The following LRRTM4 variants were observed in gnomAD, a reference collection of about 807,000 sequenced individuals.
LRRTM4 encodes the protein leucine rich repeat transmembrane neuronal 4, also known as leucine-rich repeat transmembrane neuronal protein 4.
In LRRTM4, 25 loss-of-function variants were observed where a neutral mutation model predicts 47.6. That is an observed-to-expected ratio of 0.53 (90% CI 0.38 to 0.73). The LOEUF (loss-of-function observed/expected upper bound fraction) is 0.73, where lower values mean the gene tolerates loss of function less well. Ranked by LOEUF, LRRTM4 falls within the 30% of genes least tolerant of loss-of-function variation. LRRTM4 has a pLI of 0.00. For missense variants in LRRTM4, 638 were observed against 713.4 expected, an observed-to-expected ratio of 0.89 and a Z score of 1.20; for synonymous variants, 311 against 269.5, an observed-to-expected ratio of 1.15 and a Z score of -1.51.
intron 3 of LRRTM4, among the ~76,000 whole-genome samples, chr2:77,224,375 T>C (rs1674739722): frequency 6.6e-6 from 1 of 152,062 alleles, no homozygotes; most frequent in African/African-American, 2.4e-5. Flanking sequence ...GTAATTAAAC[T>C]AAAGAGCTTC....
intron 3 of LRRTM4, among the ~76,000 whole-genome samples, chr2:77,101,193 C>T (rs1670944100): frequency 1.3e-5 from 2 of 152,002 alleles, no homozygotes; most frequent in Admixed American, 1.3e-4. Context: ...TGCACAATAT[C>T]ATATGCATAG....
At chr2:77,147,007 A>C (rs1672277480) in intron 3 of LRRTM4, among the ~76,000 whole-genome samples, 1 of 152,208 alleles carries the variant, frequency 6.6e-6, no homozygotes, top group South Asian at 2.1e-4. Context: ...GATTTTATAA[A>C]AATAATAAAA....
At chr2:76,880,135 AG>A (rs1371125910) in intron 3 of LRRTM4, among the ~76,000 whole-genome samples, 3 of 152,226 alleles carry the variant, frequency 2.0e-5, no homozygotes, top group Non-Finnish European at 4.4e-5. Context: ...TTGATAAAGT[AG>A]GGATAGGGTT....
chr2:77,213,112 A>G (rs1411484953), intron 3 of LRRTM4, among the ~76,000 whole-genome samples: 1 of 152,206 alleles, frequency 6.6e-6, no homozygotes. Flanking sequence ...AGCAGTTAAC[A>G]ACCGTAAATG....
chr2:77,464,502 G>A (rs758717423), intron 3 of LRRTM4, among the ~76,000 whole-genome samples: 2 of 151,696 alleles, frequency 1.3e-5, no homozygotes, highest in African/African-American at 2.4e-5. Flanking sequence ...TTATTAATGA[G>A]CTATTTCCTT....
intron 3 of LRRTM4, among the ~76,000 whole-genome samples, chr2:77,094,850 A>T (rs914604280): frequency 6.6e-6 from 1 of 152,168 alleles, no homozygotes; most frequent in Non-Finnish European, 1.5e-5. Flanking sequence ...ACAGGGGAAA[A>T]GCTCCATGAC....
chr2:77,231,197 A>T (rs916003787), intron 3 of LRRTM4, among the ~76,000 whole-genome samples: 3 of 152,020 alleles, frequency 2.0e-5, no homozygotes, highest in African/African-American at 7.2e-5. Flanking sequence ...CAGGCCCATG[A>T]AGTACACATG....
intron 3 of LRRTM4, among the ~76,000 whole-genome samples, chr2:76,977,137 C>G (rs1370557661): frequency 6.6e-6 from 1 of 151,450 alleles, no homozygotes; most frequent in Non-Finnish European, 1.5e-5. Flanking sequence ...TTTCTTACTT[C>G]TGCTTGAATA....
chr2:76,834,254 T>C (rs994054904), intron 3 of LRRTM4, among the ~76,000 whole-genome samples: 1 of 151,524 alleles, frequency 6.6e-6, no homozygotes, highest in African/African-American at 2.4e-5. Context: ...TTTCACTATA[T>C]TGGCCAGTCT....
At chr2:77,390,004 AC>A (rs1673435078) in intron 3 of LRRTM4, among the ~76,000 whole-genome samples, 1 of 152,118 alleles carries the variant, frequency 6.6e-6, no homozygotes, top group Non-Finnish European at 1.5e-5. Context: ...TTAAAGGAAT[AC>A]TTGACCTTTC....
chr2:77,049,157 T>TACAC (rs1336101809), intron 3 of LRRTM4, among the ~76,000 whole-genome samples: 50 of 106,342 alleles, frequency 4.7e-4, no homozygotes, highest in African/African-American at 1.9e-3. Context: ...TATATATATA[T>TACAC]ACACACACAC....
At chr2:76,792,762 T>C (rs761265603) in intron 3 of LRRTM4, among the ~76,000 whole-genome samples, 6 of 152,138 alleles carry the variant, frequency 3.9e-5, no homozygotes, top group Non-Finnish European at 8.8e-5. Flanking sequence ...GCTAAGGACT[T>C]TCAACTCCTT....
Position 76,851,095 on chromosome 2 carries a change from A to G in LRRTM4, c.1552-102179T>C, listed in dbSNP as rs150842647. 5.3e-5 allele frequency among the ~76,000 whole-genome samples: 8 copies of G among 152,312 alleles called. No individual in the cohort carries two copies. The East Asian group carries it at 7.7e-4, about 15-fold the overall frequency. On this transcript the variant is annotated intron_variant, in intron 3 of 3. Coordinates refer to ENST00000409884, the MANE Select transcript of LRRTM4 (RefSeq NM_001134745.3). ...TGCTAACAGTGCACATTCAGGGAAC[A>G]CTGTGAGCAATTCTATTTATCTAAG...
At chr2:76,878,759 AG>A (rs371944548) in intron 3 of LRRTM4, among the ~76,000 whole-genome samples, 289 of 152,190 alleles carry the variant, frequency 1.9e-3, no homozygotes, top group Middle Eastern at 0.014. Flanking sequence ...TTGGAATCCC[AG>A]CTACTTGGGA....
At chr2:76,799,338 C>A (rs1340448994) in intron 3 of LRRTM4, among the ~76,000 whole-genome samples, 1 of 108,924 alleles carries the variant, frequency 9.2e-6, no homozygotes. Context: ...TAACCAGAAC[C>A]AAAGACAAAA....
At chr2:77,301,838 T>G (rs968938469) in intron 3 of LRRTM4, among the ~76,000 whole-genome samples, 1 of 152,158 alleles carries the variant, frequency 6.6e-6, no homozygotes, top group Non-Finnish European at 1.5e-5. Context: ...AGCACAGATA[T>G]CACATATTGT....
chr2:77,290,373 T>C (rs1425773923), intron 3 of LRRTM4, among the ~76,000 whole-genome samples: 2 of 151,640 alleles, frequency 1.3e-5, no homozygotes, highest in Admixed American at 6.6e-5. Flanking sequence ...AGATTGAGAG[T>C]AGAATGATGG....
At chr2:76,872,110 G>A (rs1374160438) in intron 3 of LRRTM4, among the ~76,000 whole-genome samples, 1 of 152,118 alleles carries the variant, frequency 6.6e-6, no homozygotes, top group African/African-American at 2.4e-5. Flanking sequence ...GTGATAATTT[G>A]TTATGTACCA....
chr2:76,974,239 T>C lies in LRRTM4; in HGVS notation c.1552-225323A>G, dbSNP rs13389597. Among the ~76,000 whole-genome samples the C allele has an allele frequency of 5.1e-3, 588 of 114,576 alleles. 10 individuals carry two copies. The highest frequency in any genetic ancestry group is 0.014 in the African/African-American group (423 of 30,152). The allele number at this position is 114,576 out of a possible 152,430, so 75.2% of individuals were successfully genotyped here. Reference sequence around the variant, plus strand: ...ATATATATACATACATATATATATATACATATATATATATACACACACATA... The same window carrying C: ...ATATATATACATACATATATATATACACATATATATATATACACACACATA... On this transcript the variant is annotated intron_variant, in intron 3 of 3. Coordinates refer to ENST00000409884, the MANE Select transcript of LRRTM4 (RefSeq NM_001134745.3).
Sources: allele counts gnomAD v4.1 joint callset (sites outside exome capture counted in the v4.1 genomes callset), GRCh38; gene constraint gnomAD v4.1.1; transcripts MANE v1.5; gene names NCBI Gene and HGNC (gene_info 2026-07-23, HGNC 2026-07-21).